SRRM2: variants seen among roughly 807,000 people sequenced by gnomAD.
SRRM2 encodes the protein serine/arginine repetitive matrix 2.
SRRM2 carries 30 observed loss-of-function variants against 213.8 expected under a neutral mutation model. That is an observed-to-expected ratio of 0.14 (90% confidence interval 0.10 to 0.19). SRRM2 has a LOEUF of 0.19. Ranked by LOEUF, SRRM2 falls within the 10% of genes least tolerant of loss-of-function variation. The probability of loss-of-function intolerance (pLI) is 1.00; values close to 1 mark genes in which losing one functional copy is unlikely to be tolerated. For missense variants in SRRM2, 4,904 were observed against 3,647.0 expected (o/e 1.34, Z -8.88); for synonymous variants, 2,025 against 1,377.7 (o/e 1.47, Z -10.40).
At position 2,763,186 on chromosome 16, in the gene SRRM2, T is replaced by C. The variant is rs1823880318; in HGVS notation, c.2658T>C (p.Pro886=). Residue 886 remains proline (P), a synonymous_variant, in exon 11 of 15, where the codon CCT becomes CCC. Transcript: ENST00000301740. ...SPDPELKSRT[P]SRHSCSGSSP... ...ACCCTGAGTTGAAATCTAGGACCCC[T>C]TCTAGACATAGCTGCTCAGGGTCCT... is the stretch of plus-strand genomic sequence containing the variant. 3 of 1,613,910 alleles carry C rather than the reference T, an allele frequency of 1.9e-6. No individual in the cohort carries two copies. In the South Asian group the frequency reaches 3.3e-5, roughly 18 times the overall value.
rs779644770 is a variant in SRRM2, at chr16:2,770,750, G to A, written c.8249+33G>A. 13 of 1,590,498 alleles carry A rather than the reference G, an allele frequency of 8.2e-6. No individual in the cohort carries two copies. In the African/African-American group the frequency reaches 1.2e-4, roughly 15 times the overall value. On this transcript the variant is annotated intron_variant, in intron 14 of 14. Coordinates refer to ENST00000301740, the MANE Select transcript of SRRM2 (RefSeq NM_016333.4). Reference sequence around the variant, plus strand: ...TCCTGGAAGGCTGATGCCCCCTTCCGGGAGCCAGTTGTGGTGGTGGGTGGC... The same window carrying A: ...TCCTGGAAGGCTGATGCCCCCTTCCAGGAGCCAGTTGTGGTGGTGGGTGGC...
At chr16:2,769,478 G>A (rs72768767) in intron 12 of SRRM2, 194 bp downstream of exon 12, 42,017 of 662,104 alleles carry the variant, frequency 0.063, 1,638 homozygotes, top group Non-Finnish European at 0.076. Context: ...CATCCACAGC[G>A]GCGCTCAGGC....
chr16:2,762,750 G>A lies in SRRM2; in HGVS notation c.2222G>A (p.Ser741Asn), dbSNP rs777989987. 2 of 1,614,190 alleles carry A rather than the reference G, an allele frequency of 1.2e-6. No individual in the cohort carries two copies. Among genetic ancestry groups the A allele is most frequent in the Non-Finnish European group, 8.5e-7 (1 of 1,180,040 alleles). Residue 741 changes from serine to asparagine, a missense_variant, in exon 11 of 15, where the codon AGC becomes AAC. Physicochemically the swap from Ser to Asn is conservative, Grantham distance 46. Transcript: ENST00000301740. ...AAATCCAGAACATCTCAAAGAAGAA[G>A]CAGGTCCAATTCAAGCCCAGAAATG... is the stretch of plus-strand genomic sequence containing the variant. The part of the protein sequence containing the change: ...KNKSRTSQRR[S>N]RSNSSPEMKK...
At position 2,752,744 on chromosome 16, in the gene SRRM2, C is replaced by G. The variant is rs1306343056; in HGVS notation, c.-134C>G. 3 of 352,184 alleles carry G rather than the reference C, an allele frequency of 8.5e-6. No individual in the cohort carries two copies. The highest frequency in any genetic ancestry group is 4.5e-5 in the African/African-American group (2 of 44,394). 21.8% of individuals were successfully genotyped at this position (352,184 alleles called of 1,614,324 possible). ...GTCGGCGTCGGCTGAGGCGGGCGGA[C>G]CGGCGAGGCGAGGCGGCGGCCCCAG... On this transcript the variant is annotated 5_prime_UTR_variant, in exon 1 of 15. Transcript: ENST00000301740.
At position 2,764,081 on chromosome 16, in the gene SRRM2, G is replaced by A. The variant is rs754602581; in HGVS notation, c.3553G>A (p.Asp1185Asn). The A allele has an allele frequency of 2.5e-6, 4 of 1,614,010 alleles. No individual in the cohort carries two copies. The highest frequency in any genetic ancestry group is 1.3e-5 in the African/African-American group (1 of 74,914). The change falls in exon 11 of 15, where the codon GAC becomes AAC. Residue 1185 changes from aspartate to asparagine, a missense_variant. Physicochemically the swap from Asp to Asn is conservative, Grantham distance 23. Transcript: ENST00000301740. ...TACTGCATCACCTCCTAGACAGAAA[G>A]ACAAATTTAGTCCCTTTCCAGTACA... ...DATASPPRQK[D>N]KFSPFPVQDR...
rs749190978 is a variant in SRRM2 at position 2,765,439 on chromosome 16, A to T, written c.4911A>T (p.Arg1637Ser). 1 of 1,614,130 alleles carries T rather than the reference A, an allele frequency of 6.2e-7. No homozygotes were observed. The highest frequency in any genetic ancestry group is 1.7e-5 in the Admixed American group (1 of 60,010). The change falls in exon 11 of 15, where the codon AGA becomes AGT. Residue 1637 changes from arginine (R) to serine (S), a missense_variant. By Grantham distance (110) the Arg-to-Ser change is moderately radical. Coordinates refer to ENST00000301740, the MANE Select transcript of SRRM2 (RefSeq NM_016333.4). The stretch of plus-strand genomic sequence containing the variant: ...CTCGGGCCCTTCCCAGACGAAGCAG[A>T]TCAGGTTCATCAAGCAAAGGCAGAG... ...PAPRALPRRS[R>S]SGSSSKGRGP...
Position 2,763,489 on chromosome 16 carries a change from A to G in SRRM2, c.2961A>G (p.Gln987=), listed in dbSNP as rs777467207. ...TKVKPETPPR[Q]SHSGSISPYP... is the part of the protein sequence containing the mutation. ...TGAAACCTGAAACACCGCCAAGACAAAGTCACTCAGGGTCTATTTCACCAT... is the reference window on the plus strand; with the variant it reads ...TGAAACCTGAAACACCGCCAAGACAGAGTCACTCAGGGTCTATTTCACCAT... Residue 987 remains glutamine (Q), a synonymous_variant, in exon 11 of 15, where the codon CAA becomes CAG. Transcript: ENST00000301740. The G allele has an allele frequency of 4.3e-6, 7 of 1,613,926 alleles. No homozygotes were observed. The Admixed American group carries it at 5.0e-5, about 12-fold the overall frequency.
At chr16:2,755,565 G>T (rs2068111192) in intron 1 of SRRM2, among the ~76,000 whole-genome samples, 1 of 152,110 alleles carries the variant, frequency 6.6e-6, no homozygotes, top group Admixed American at 6.5e-5. Flanking sequence ...AAATCCTATT[G>T]AGAGGAAGGA....
Position 2,766,961 on chromosome 16 carries a change from C to G in SRRM2, c.6433C>G (p.Pro2145Ala). Residue 2145 changes from proline (P) to alanine (A), a missense_variant, in exon 11 of 15, where the codon CCC becomes GCC. Coordinates refer to ENST00000301740, the MANE Select transcript of SRRM2 (RefSeq NM_016333.4). The surrounding 1 kb of genome is among the most constrained non-coding windows in gnomAD (Gnocchi z 7.0). ...MLEPLGSSRT[P>A]MSVLQQAGGS... Reference sequence around the variant, plus strand: ...TGAACCCCTTGGCAGCTCTAGAACACCCATGTCTGTCCTGCAGCAAGCCGG... The same window carrying G: ...TGAACCCCTTGGCAGCTCTAGAACAGCCATGTCTGTCCTGCAGCAAGCCGG... 6.2e-7 allele frequency: 1 copy of G among 1,614,146 alleles called. No homozygotes were observed. Among genetic ancestry groups the G allele is most frequent in the South Asian group, 1.1e-5 (1 of 91,084 alleles).
chr16:2,762,947 A>C lies in SRRM2; in HGVS notation c.2419A>C (p.Lys807Gln). ...CTCTGGATCCTCCCAACCTAAAGCTAAATCTAGAACGCCACCCAGACGCAG... is the reference window on the plus strand; with the variant it reads ...CTCTGGATCCTCCCAACCTAAAGCTCAATCTAGAACGCCACCCAGACGCAG... ...SRSGSSQPKAKSRTPPRRSRS... is the reference protein window; with the variant it reads ...SRSGSSQPKAQSRTPPRRSRS... The change falls in exon 11 of 15, where the codon AAA becomes CAA. Residue 807 changes from lysine to glutamine, a missense_variant. Physicochemically the swap from Lys to Gln is moderately conservative, Grantham distance 53 (BLOSUM62 1). Transcript: ENST00000301740. 1 of 1,610,336 alleles carries C rather than the reference A, an allele frequency of 6.2e-7. No individual in the cohort carries two copies. The highest frequency in any genetic ancestry group is 8.5e-7 in the Non-Finnish European group (1 of 1,176,796).
Position 2,767,980 on chromosome 16 carries a change from G to T in SRRM2, c.7452G>T (p.Thr2484=), listed in dbSNP as rs139501890. 4 of 1,614,148 alleles carry T rather than the reference G, an allele frequency of 2.5e-6. No homozygotes were observed. The East Asian group carries it at 6.7e-5, about 27-fold the overall frequency. Residue 2484 remains threonine, a synonymous_variant, in exon 11 of 15, where the codon ACG becomes ACT. Coordinates refer to ENST00000301740, the MANE Select transcript of SRRM2 (RefSeq NM_016333.4). ...CCTCTGGGGCAGTGGCAACGACCAC[G>T]TCCTCTGCTGGTGATCACAATGGCA... ...SLSSGAVATT[T]SSAGDHNGML...
intron 1 of SRRM2, 71 bp downstream of exon 1, chr16:2,752,917 CGGA>C (rs904247878): frequency 6.8e-4 from 124 of 182,860 alleles, no homozygotes; most frequent in Non-Finnish European, 1.0e-3. Context: ...CCAAAGCGCG[CGGA>C]GAACTGCCCA....
In SRRM2 at chr16:2,763,827, G is replaced by T; in HGVS notation, c.3299G>T (p.Arg1100Met). The change falls in exon 11 of 15, where the codon AGG (arginine) becomes ATG (methionine). Residue 1100 changes from arginine to methionine, a missense_variant. By Grantham distance (91) the Arg-to-Met change is moderately conservative. Coordinates refer to ENST00000301740, the MANE Select transcript of SRRM2 (RefSeq NM_016333.4). ...SQTSPKGGRS[R>M]SSSPVTELAS... ...ACATCACCTAAGGGAGGTCGGTCCA[G>T]GTCTTCATCTCCAGTCACTGAGCTG... The T allele has an allele frequency of 6.2e-7, 1 of 1,614,196 alleles. No homozygotes were observed. Among genetic ancestry groups the T allele is most frequent in the Non-Finnish European group, 8.5e-7 (1 of 1,180,040 alleles).
In SRRM2 at chr16:2,762,735, C is replaced by T. The variant is rs1657603833; in HGVS notation, c.2207C>T (p.Thr736Ile). The T allele has an allele frequency of 3.1e-6, 5 of 1,614,076 alleles. No individual in the cohort carries two copies. In the African/African-American group the frequency reaches 4.0e-5, roughly 13 times the overall value. The change falls in exon 11 of 15, where the codon ACA (threonine) becomes ATA (isoleucine). Residue 736 changes from threonine to isoleucine, a missense_variant. Physicochemically the swap from Thr to Ile is moderately conservative, Grantham distance 89. Transcript: ENST00000301740. ...TCAGAGCGGAAAAACAAATCCAGAA[C>T]ATCTCAAAGAAGAAGCAGGTCCAAT... is the stretch of plus-strand genomic sequence containing the variant. Reference protein sequence around the residue: ...SSSERKNKSRTSQRRSRSNSS... With the variant: ...SSSERKNKSRISQRRSRSNSS...
Position 2,762,834 on chromosome 16 carries a change from C to T in SRRM2, c.2306C>T (p.Ala769Val). 6.2e-7 allele frequency: 1 copy of T among 1,614,182 alleles called. No homozygotes were observed. Among genetic ancestry groups the T allele is most frequent in the South Asian group, 1.1e-5 (1 of 91,072 alleles). The change falls in exon 11 of 15, where the codon GCA (alanine) becomes GTA (valine). Residue 769 changes from alanine (A) to valine (V), a missense_variant. Transcript: ENST00000301740. ...TCTCTCTCTTCACCACGGTCCAAAGCAAAATCTCGCTTGTCTTTGAGGCGC... is the reference window on the plus strand; with the variant it reads ...TCTCTCTCTTCACCACGGTCCAAAGTAAAATCTCGCTTGTCTTTGAGGCGC... Reference protein sequence around the residue: ...SRSLSSPRSKAKSRLSLRRSL... With the variant: ...SRSLSSPRSKVKSRLSLRRSL...
rs1321935374 is a variant in SRRM2, at chr16:2,770,388, G to A, written c.8058G>A (p.Arg2686=). Residue 2686 remains arginine (R), a synonymous_variant, in exon 13 of 15, where the codon AGG becomes AGA. Coordinates refer to ENST00000301740, the MANE Select transcript of SRRM2 (RefSeq NM_016333.4). ...CCCGGAAGCCAATAGACTCCCTCAG[G>A]GACTCTCGGTCCCTCAGCTACTCGC... is the stretch of plus-strand genomic sequence containing the variant. The part of the protein sequence containing the change: ...RSPRKPIDSL[R]DSRSLSYSPV... The A allele has an allele frequency of 1.2e-6, 2 of 1,608,758 alleles. No homozygotes were observed. Among genetic ancestry groups the A allele is most frequent in the South Asian group, 2.2e-5 (2 of 89,824 alleles).
At position 2,765,216 on chromosome 16, in the gene SRRM2, C is replaced by T. The variant is rs571534799; in HGVS notation, c.4688C>T (p.Pro1563Leu). 4 of 1,614,126 alleles carry T rather than the reference C, an allele frequency of 2.5e-6. No individual in the cohort carries two copies. The highest frequency in any genetic ancestry group is 3.3e-5 in the Admixed American group (2 of 60,022). The stretch of plus-strand genomic sequence containing the variant: ...GAAAGAAGTGAGTCAGACTCTTCTC[C>T]AGATTCTAAAGCCAAGACAAGAACC... ...PQERSESDSS[P>L]DSKAKTRTPL... is the part of the protein sequence containing the mutation. Residue 1563 changes from proline (P) to leucine (L), a missense_variant, in exon 11 of 15, where the codon CCA (proline) becomes CTA (leucine). Coordinates refer to ENST00000301740, the MANE Select transcript of SRRM2 (RefSeq NM_016333.4).
At position 2,764,577 on chromosome 16, in the gene SRRM2, A is replaced by C; in HGVS notation, c.4049A>C (p.Glu1350Ala). ...GTEMNTGFSS[E>A]VKEDLNGPFL... ...GAAATGAATACTGGATTTTCTTCTG[A>C]GGTTAAAGAAGATTTGAATGGACCG... is the stretch of plus-strand genomic sequence containing the variant. The change falls in exon 11 of 15, where the codon GAG becomes GCG. Residue 1350 changes from glutamate (E) to alanine (A), a missense_variant. Transcript: ENST00000301740. 4 of 1,614,218 alleles carry C rather than the reference A, an allele frequency of 2.5e-6. No individual in the cohort carries two copies. The highest frequency in any genetic ancestry group is 3.4e-6 in the Non-Finnish European group (4 of 1,180,048).
chr16:2,769,924 C>T (rs1166228425), intron 12 of SRRM2: 1 of 441,320 alleles, frequency 2.3e-6, no homozygotes, highest in African/African-American at 2.0e-5. Flanking sequence ...TTCCTTCTGC[C>T]TGGAATTTCC....
Sources: gnomAD v4.1 joint callset for allele counts (sites outside exome capture counted in the v4.1 genomes callset) on GRCh38, gnomAD v4.1.1 for gene constraint, Gnocchi (gnomAD v3.1) non-coding constraint, MANE v1.5 for transcripts, NCBI Gene and HGNC (gene_info 2026-07-23, HGNC 2026-07-21) for gene names.